The following MAP1B variants were observed in gnomAD, a reference collection of about 807,000 sequenced individuals.
The protein encoded by MAP1B is microtubule associated protein 1B, also known as microtubule-associated protein 1B.
MAP1B carries 12 observed loss-of-function variants against 176.1 expected under a neutral mutation model. That is an observed-to-expected ratio of 0.07 (90% CI 0.04 to 0.11). MAP1B has a LOEUF of 0.11. Ranked by LOEUF, MAP1B falls within the 10% of genes least tolerant of loss-of-function variation. The probability of loss-of-function intolerance (pLI) is 1.00; values close to 1 mark genes in which losing one functional copy is unlikely to be tolerated. For synonymous variants in MAP1B, 1,044 were observed against 1,135.0 expected (o/e 0.92, Z 1.61); for missense variants, 2,523 against 2,990.5 (o/e 0.84, Z 3.65).
rs755151680 is a variant in MAP1B, at chr5:72,199,574, C to T, written c.6219C>T (p.Pro2073=). 4 of 1,614,216 alleles carry T rather than the reference C, an allele frequency of 2.5e-6. No homozygotes were observed. Among genetic ancestry groups the T allele is most frequent in the Admixed American group, 3.3e-5 (2 of 60,022 alleles). Residue 2073 remains proline (P), a synonymous_variant, in exon 5 of 7, where the codon CCC becomes CCT. Coordinates refer to ENST00000296755, the MANE Select transcript of MAP1B (RefSeq NM_005909.5). The surrounding 1 kb of genome is among the most constrained non-coding windows in gnomAD (Gnocchi z 4.2). ...GCTACACTGCAGAAAAGAAGTCCCC[C>T]TCAGAAGCCCGTCAGGATGTCGATT... is the stretch of plus-strand genomic sequence containing the variant. ...DLCYTAEKKS[P]SEARQDVDLC... is the part of the protein sequence containing the mutation.
intron 4 of MAP1B, among the ~76,000 whole-genome samples, chr5:72,190,123 T>C (rs2112224810): frequency 6.6e-6 from 1 of 152,206 alleles, no homozygotes; most frequent in South Asian, 2.1e-4. Context: ...ATTGTGAGAG[T>C]TGATAATGTC....
chr5:72,163,643 A>C (rs3098384), intron 2 of MAP1B, among the ~76,000 whole-genome samples: 16,490 of 152,124 alleles, frequency 0.11, 920 homozygotes, highest in Non-Finnish European at 0.11. Context: ...AGGTGTCGGG[A>C]TCATAGAGCT....
At chr5:72,165,000 T>C (rs1746397832) in intron 2 of MAP1B, among the ~76,000 whole-genome samples, 1 of 152,182 alleles carries the variant, frequency 6.6e-6, no homozygotes, top group African/African-American at 2.4e-5. Flanking sequence ...ATATATGTCT[T>C]GTATGATACA....
intron 2 of MAP1B, among the ~76,000 whole-genome samples, chr5:72,170,285 A>C (rs1561304992): frequency 6.6e-6 from 1 of 152,218 alleles, no homozygotes; most frequent in Non-Finnish European, 1.5e-5. Context: ...CTGAGTCAGC[A>C]GCAAGCTGGG....
At position 72,204,035 on chromosome 5, in the gene MAP1B, C is replaced by T. The variant is rs1747390638; in HGVS notation, c.7251+234C>T. ...AACCACGGCCTTGGAGGAAAGACAC[C>T]TTAACTAAAGCAGAAACCATTTATC... On this transcript the variant is annotated intron_variant, in intron 6 of 6. Coordinates refer to ENST00000296755, the MANE Select transcript of MAP1B (RefSeq NM_005909.5). This position sits in a 1 kb window ranked among gnomAD's most constrained non-coding sequence, Gnocchi z 4.4. 6.6e-6 allele frequency among the ~76,000 whole-genome samples: 1 copy of T among 152,180 alleles called. No homozygotes were observed. Among genetic ancestry groups the T allele is most frequent in the Admixed American group, 6.5e-5 (1 of 15,282 alleles).
At position 72,194,968 on chromosome 5, in the gene MAP1B, G is replaced by C; in HGVS notation, c.1613G>C (p.Arg538Thr). 6.2e-7 allele frequency: 1 copy of C among 1,614,106 alleles called. No individual in the cohort carries two copies. The highest frequency in any genetic ancestry group is 1.3e-5 in the African/African-American group (1 of 75,012). The change falls in exon 5 of 7, where the codon AGG (arginine) becomes ACG (threonine). Residue 538 changes from arginine (R) to threonine (T), a missense_variant. Physicochemically the swap from Arg to Thr is moderately conservative, Grantham distance 71. This residue lies in a region of MAP1B where 1,925 missense variants were observed against 2,126.0 expected (regional missense o/e 0.91). Coordinates refer to ENST00000296755, the MANE Select transcript of MAP1B (RefSeq NM_005909.5). The surrounding 1 kb of genome is among the most constrained non-coding windows in gnomAD (Gnocchi z 7.2). ...GTGAAACAAACAAAACTGAAACAGA[G>C]GGCTGATAGCCGAGAAAGTCTGAAG... ...PVVKQTKLKQ[R>T]ADSRESLKPA... is the part of the protein sequence containing the mutation.
At chr5:72,167,418 A>G (rs185680047) in intron 2 of MAP1B, among the ~76,000 whole-genome samples, 3 of 152,318 alleles carry the variant, frequency 2.0e-5, no homozygotes, top group African/African-American at 7.2e-5. Context: ...TTCTCTCTCT[A>G]CTACTGTTCT....
At chr5:72,128,422 A>C (rs1053098546) in intron 2 of MAP1B, among the ~76,000 whole-genome samples, 1 of 151,840 alleles carries the variant, frequency 6.6e-6, no homozygotes, top group African/African-American at 2.4e-5. Flanking sequence ...AAAAAAAAAA[A>C]ACACTCAAAA....
chr5:72,202,405 A>G (rs1258244347), intron 5 of MAP1B, among the ~76,000 whole-genome samples: 1 of 152,366 alleles, frequency 6.6e-6, no homozygotes, highest in African/African-American at 2.4e-5. Context: ...AGCTTATCCA[A>G]TTATTACTTT....
intron 2 of MAP1B, chr5:72,116,122 G>C: frequency 6.1e-6 from 2 of 327,918 alleles, no homozygotes; most frequent in Non-Finnish European, 1.2e-5. Flanking sequence ...GAGAGAAAGA[G>C]AGAGAGATAG....
At chr5:72,153,349 G>A (rs1333636026) in intron 2 of MAP1B, among the ~76,000 whole-genome samples, 1 of 152,014 alleles carries the variant, frequency 6.6e-6, no homozygotes, top group Non-Finnish European at 1.5e-5. Context: ...CACACATGCA[G>A]GGACCACAAT....
rs1489248049 is a variant in MAP1B, at chr5:72,203,544, CTT to C, written c.7013-17_7013-16del. 6.3e-7 allele frequency: 1 copy of C among 1,589,828 alleles called. No individual in the cohort carries two copies. The highest frequency in any genetic ancestry group is 8.6e-7 in the Non-Finnish European group (1 of 1,158,248). ...TCACCTTGCTATGACCTTGCTTTGT[CTT>C]TGTTTATTTACCCAAGGACCAGGAA... is the stretch of plus-strand genomic sequence containing the variant. On this transcript the variant is annotated splice_polypyrimidine_tract_variant and intron_variant, in intron 5 of 6. Transcript: ENST00000296755.
At chr5:72,170,687 C>T (rs1266952944) in intron 2 of MAP1B, among the ~76,000 whole-genome samples, 1 of 152,100 alleles carries the variant, frequency 6.6e-6, no homozygotes, top group Non-Finnish European at 1.5e-5. Flanking sequence ...TAGCCAGACG[C>T]GGTTGTTCAC....
At chr5:72,176,870 G>C (rs144904830) in intron 2 of MAP1B, among the ~76,000 whole-genome samples, 3 of 152,326 alleles carry the variant, frequency 2.0e-5, no homozygotes, top group African/African-American at 7.2e-5. Flanking sequence ...GTGCAAGAGC[G>C]GATGAATGCG....
rs571660146 is a variant in MAP1B at position 72,203,575 on chromosome 5, C to T, written c.7025C>T (p.Thr2342Ile). ...AKTATAGPGT[T>I]KTTKSSAVPP... is the part of the protein sequence containing the mutation. ...TTATTTACCCAAGGACCAGGAACTA[C>T]CAAGACGACCAAGTCATCTGCTGTG... is the stretch of plus-strand genomic sequence containing the variant. The change falls in exon 6 of 7, where the codon ACC becomes ATC. Residue 2342 changes from threonine (T) to isoleucine (I), a missense_variant. By Grantham distance (89) the Thr-to-Ile change is moderately conservative. Around this residue, in one of 4 missense-constraint regions of MAP1B, gnomAD observed 287 missense variants for 401.5 expected, o/e 0.71. Transcript: ENST00000296755. 2.2e-5 allele frequency: 36 copies of T among 1,613,694 alleles called. 1 individual carries two copies. In the South Asian group the frequency reaches 3.4e-4, roughly 15 times the overall value.
chr5:72,134,904 CT>C (rs1380366937), intron 2 of MAP1B, among the ~76,000 whole-genome samples: 1 of 147,092 alleles, frequency 6.8e-6, no homozygotes, highest in Non-Finnish European at 1.5e-5. Flanking sequence ...TCTAGTATGT[CT>C]TAAAGTCTCA....
rs1746144485 is a variant in MAP1B at position 72,151,765 on chromosome 5, T to A, written c.287-31978T>A. Among the ~76,000 whole-genome samples, 5 of 152,388 alleles carry A rather than the reference T, an allele frequency of 3.3e-5. No homozygotes were observed. In the South Asian group the frequency reaches 1.0e-3, roughly 32 times the overall value. On this transcript the variant is annotated intron_variant, in intron 2 of 6. Transcript: ENST00000296755. ...GCTCACCCAGGGGCCAGCCTCTCTC[T>A]CTGTGTTTTTTACAGTTCCCTCCCT...
At chr5:72,200,705 C>T (rs1747315713) in intron 5 of MAP1B, among the ~76,000 whole-genome samples, 1 of 152,114 alleles carries the variant, frequency 6.6e-6, no homozygotes, top group African/African-American at 2.4e-5. Flanking sequence ...CTGGTTTCAG[C>T]CATACTGGCC....
chr5:72,144,941 G>T (rs1746018161), intron 2 of MAP1B, among the ~76,000 whole-genome samples: 1 of 152,134 alleles, frequency 6.6e-6, no homozygotes, highest in Admixed American at 6.5e-5. Flanking sequence ...CATCTGAGTT[G>T]TAGGAGACTG....
Sources: gnomAD v4.1 joint callset for allele counts (sites outside exome capture counted in the v4.1 genomes callset) on GRCh38, gnomAD v4.1.1 for gene constraint, gnomAD v4.1.1 regional missense constraint, Gnocchi (gnomAD v3.1) non-coding constraint, MANE v1.5 for transcripts, NCBI Gene and HGNC (gene_info 2026-07-23, HGNC 2026-07-21) for gene names.